The following FOXO1 variants were observed in gnomAD, a reference collection of about 807,000 sequenced individuals.
FOXO1 encodes forkhead box O1.
A neutral mutation model predicts 44.1 loss-of-function variants in FOXO1; 6 were observed. That is an observed-to-expected ratio of 0.14 (90% confidence interval 0.07 to 0.27). The LOEUF is 0.27. Ranked by LOEUF, FOXO1 falls within the 10% of genes least tolerant of loss-of-function variation. FOXO1 has a pLI of 1.00. For missense variants in FOXO1, 737 were observed against 888.8 expected (o/e 0.83, Z 2.17); for synonymous variants, 380 against 362.7 (o/e 1.05, Z -0.54).
At position 40,559,514 on chromosome 13, in the gene FOXO1, C is replaced by A; in HGVS notation, c.*9G>T. On this transcript the variant is annotated 3_prime_UTR_variant, in exon 2 of 3. Coordinates refer to ENST00000379561, the MANE Select transcript of FOXO1 (RefSeq NM_002015.4). ...TGATATTGGGGTGAACTTACCTGCT[C>A]ACTAACCCTCAGCCTGACACCCAGC... 6.4e-7 allele frequency: 1 copy of A among 1,573,768 alleles called. No individual in the cohort carries two copies. Among genetic ancestry groups the A allele is most frequent in the South Asian group, 1.2e-5 (1 of 84,052 alleles).
At chr13:40,576,420 G>A (rs1238925907) in intron 1 of FOXO1, among the ~76,000 whole-genome samples, 2 of 152,192 alleles carry the variant, frequency 1.3e-5, no homozygotes, top group Non-Finnish European at 2.9e-5. Context: ...TTTGGGCTCT[G>A]CTGGGAAAGC....
At chr13:40,579,632 C>T (rs1226364555) in intron 1 of FOXO1, among the ~76,000 whole-genome samples, 1 of 151,958 alleles carries the variant, frequency 6.6e-6, no homozygotes, top group Non-Finnish European at 1.5e-5. Flanking sequence ...GGGGCGGGGG[C>T]GGTACAATCC....
intron 1 of FOXO1, among the ~76,000 whole-genome samples, chr13:40,581,084 C>T (rs1174100122): frequency 6.6e-6 from 1 of 152,200 alleles, no homozygotes; most frequent in African/African-American, 2.4e-5. Context: ...AATGCTTGGG[C>T]ACTTTTCTTG....
At chr13:40,587,303 G>A (rs1006397994) in intron 1 of FOXO1, among the ~76,000 whole-genome samples, 20 of 151,478 alleles carry the variant, frequency 1.3e-4, no homozygotes, top group Non-Finnish European at 2.2e-4. Context: ...TGGGCAGGGC[G>A]GAGCAGGAGA....
intron 1 of FOXO1, among the ~76,000 whole-genome samples, chr13:40,638,885 C>G (rs1877253661): frequency 6.6e-6 from 1 of 152,050 alleles, no homozygotes; most frequent in South Asian, 2.1e-4. Context: ...CAGCGCACCA[C>G]CTCTGTAACT....
chr13:40,607,358 G>T (rs1876043500), intron 1 of FOXO1, among the ~76,000 whole-genome samples: 1 of 152,218 alleles, frequency 6.6e-6, no homozygotes, highest in South Asian at 2.1e-4. Context: ...GAAGCAGAAA[G>T]CTGTCCATCC....
intron 1 of FOXO1, among the ~76,000 whole-genome samples, chr13:40,571,593 G>A (rs950989205): frequency 2.0e-5 from 3 of 152,076 alleles, no homozygotes; most frequent in African/African-American, 7.2e-5. Flanking sequence ...TGACCTAAAG[G>A]GGCCTTCCTG....
intron 1 of FOXO1, among the ~76,000 whole-genome samples, chr13:40,616,607 G>C (rs968263356): frequency 2.0e-5 from 3 of 152,216 alleles, no homozygotes; most frequent in African/African-American, 7.2e-5. Flanking sequence ...GCCTGAAAAG[G>C]CCATCATGAG....
intron 1 of FOXO1, among the ~76,000 whole-genome samples, chr13:40,626,684 G>A (rs887725959): frequency 4.6e-5 from 7 of 152,102 alleles, no homozygotes; most frequent in Non-Finnish European, 1.0e-4. Context: ...GTCTCCATAT[G>A]CTCTCTCATT....
chr13:40,569,817 C>T (rs571278216), intron 1 of FOXO1, among the ~76,000 whole-genome samples: 2 of 152,210 alleles, frequency 1.3e-5, no homozygotes, highest in South Asian at 4.1e-4. Flanking sequence ...TGCTATGCTG[C>T]CCATGCTGGT....
intron 1 of FOXO1, among the ~76,000 whole-genome samples, chr13:40,640,479 A>C (rs1486139088): frequency 6.6e-6 from 1 of 152,228 alleles, no homozygotes; most frequent in African/African-American, 2.4e-5. Flanking sequence ...CTGATGATCC[A>C]GTTAGAAGGG....
Position 40,564,657 on chromosome 13 carries a change from C to A in FOXO1, c.631-3797G>T, listed in dbSNP as rs114670709. Among the ~76,000 whole-genome samples, 960 of 152,318 alleles carry A rather than the reference C, an allele frequency of 6.3e-3. 12 individuals carry two copies. The highest frequency in any genetic ancestry group is 0.022 in the African/African-American group (921 of 41,556). ...CAGAGCCGCGTGAGACTGCTGGGCT[C>A]TGAAATATTATGCCCTTGAACTCTC... On this transcript the variant is annotated intron_variant, in intron 1 of 2. Coordinates refer to ENST00000379561, the MANE Select transcript of FOXO1 (RefSeq NM_002015.4).
chr13:40,664,582 T>A (rs1402023495), intron 1 of FOXO1, among the ~76,000 whole-genome samples: 1 of 152,080 alleles, frequency 6.6e-6, no homozygotes, highest in East Asian at 1.9e-4. Flanking sequence ...CCCCCCCGCC[T>A]GGTCCTCCAT....
chr13:40,559,160 T>A (rs1164902453), intron 2 of FOXO1, 126 bp from the exon 3 acceptor site: 1 of 402,950 alleles, frequency 2.5e-6, no homozygotes, highest in Non-Finnish European at 4.4e-6. Context: ...AGCTAGAGCT[T>A]TCTCAAACAG....
At chr13:40,572,163 T>A (rs1441799425) in intron 1 of FOXO1, among the ~76,000 whole-genome samples, 1 of 152,184 alleles carries the variant, frequency 6.6e-6, no homozygotes, top group Non-Finnish European at 1.5e-5. Flanking sequence ...ACACTGAAAC[T>A]TTGACAGATT....
At chr13:40,623,877 G>A (rs893926455) in intron 1 of FOXO1, among the ~76,000 whole-genome samples, 7 of 151,124 alleles carry the variant, frequency 4.6e-5, no homozygotes, top group Admixed American at 4.6e-4. Context: ...TGAGGCAGGA[G>A]GAGTTTGAGA....
At chr13:40,621,265 G>T in intron 1 of FOXO1, 1 of 796,196 alleles carries the variant, frequency 1.3e-6, no homozygotes. Context: ...CATATTCATT[G>T]TACTGACCGA....
chr13:40,573,041 C>G (rs964199505), intron 1 of FOXO1, among the ~76,000 whole-genome samples: 27 of 152,198 alleles, frequency 1.8e-4, no homozygotes, highest in African/African-American at 6.5e-4. Context: ...TGGCCCTCCT[C>G]AATGTGCCCA....
At position 40,560,032 on chromosome 13, in the gene FOXO1, G is replaced by C. The variant is rs771279465; in HGVS notation, c.1459C>G (p.Pro487Ala). The C allele has an allele frequency of 1.2e-6, 2 of 1,614,064 alleles. No individual in the cohort carries two copies. The highest frequency in any genetic ancestry group is 1.3e-5 in the African/African-American group (1 of 74,924). ...MTPVDPGVAQ[P>A]NSRVLGQNVM... ...TTCTGGCCCAGAACCCGGCTGTTGGGCTGGGCTACCCCAGGATCAACTGGT... is the reference window on the plus strand; with the variant it reads ...TTCTGGCCCAGAACCCGGCTGTTGGCCTGGGCTACCCCAGGATCAACTGGT... Residue 487 changes from proline (P) to alanine (A), a missense_variant, in exon 2 of 3, where the codon CCC becomes GCC. Pro to Ala is a conservative substitution (Grantham distance 27). Transcript: ENST00000379561. The surrounding 1 kb of genome is among the most constrained non-coding windows in gnomAD (Gnocchi z 5.1).
Sources: allele counts gnomAD v4.1 joint callset (sites outside exome capture counted in the v4.1 genomes callset), GRCh38; gene constraint gnomAD v4.1.1; non-coding constraint Gnocchi (gnomAD v3.1); transcripts MANE v1.5; gene names NCBI Gene and HGNC (gene_info 2026-07-23, HGNC 2026-07-21).